Variants in DYRK3 observed in about 807,000 individuals in gnomAD.
The protein encoded by DYRK3 is dual specificity tyrosine-phosphorylation-regulated kinase 3.
DYRK3 carries 30 observed loss-of-function variants against 40.8 expected under a neutral mutation model. That is an observed-to-expected ratio of 0.74 (90% CI 0.55 to 1.00). DYRK3 has a LOEUF of 1.00. Ranked by LOEUF, DYRK3 falls within the 50% of genes least tolerant of loss-of-function variation. The probability of loss-of-function intolerance (pLI) is 0.00; values close to 1 mark genes in which losing one functional copy is unlikely to be tolerated. For missense variants in DYRK3, 699 were observed against 731.5 expected, an observed-to-expected ratio of 0.96 and a Z score of 0.51; for synonymous variants, 272 against 260.7, an observed-to-expected ratio of 1.04 and a Z score of -0.42.
chr1:206,644,030 G>GATTTTTTTTT (rs1558557214), intron 2 of DYRK3, among the ~76,000 whole-genome samples: 1 of 88,072 alleles, frequency 1.1e-5, no homozygotes, highest in Non-Finnish European at 2.6e-5. Flanking sequence ...GGGACCTACA[G>GATTTTTTTTT]CTTTTTTTTT....
intron 1 of DYRK3, 127 bp from the exon 2 acceptor site, chr1:206,637,523 A>G: frequency 1.6e-6 from 1 of 633,068 alleles, no homozygotes; most frequent in Non-Finnish European, 2.7e-6. Context: ...GTTTGTATTC[A>G]GTGCCAAAAT....
chr1:206,651,543 C>A lies in DYRK3; in HGVS notation c.*2578C>A, dbSNP rs963391167. On this transcript the variant is annotated 3_prime_UTR_variant, in exon 3 of 3. Transcript: ENST00000367109. ...TAGGGTGTAAAAGCTCATATCTACT[C>A]AAAAAACTCAAATCTACTCTTTCAG... 6.6e-6 allele frequency among the ~76,000 whole-genome samples: 1 copy of A among 152,160 alleles called. No individual in the cohort carries two copies. The highest frequency in any genetic ancestry group is 1.5e-5 in the Non-Finnish European group (1 of 68,034).
At position 206,650,471 on chromosome 1, in the gene DYRK3, G is replaced by A. The variant is rs1471365816; in HGVS notation, c.*1506G>A. ...AATCCCAGCTACTTGGGAGGCTGAG[G>A]TGGGAGGATCACTTGAGCTGAGATC... On this transcript the variant is annotated 3_prime_UTR_variant, in exon 3 of 3. Coordinates refer to ENST00000367109, the MANE Select transcript of DYRK3 (RefSeq NM_003582.4). Among the ~76,000 whole-genome samples, 1 of 152,254 alleles carries A rather than the reference G, an allele frequency of 6.6e-6. No homozygotes were observed. Among genetic ancestry groups the A allele is most frequent in the African/African-American group, 2.4e-5 (1 of 41,472 alleles).
At chr1:206,645,963 C>T (rs1381082247) in intron 2 of DYRK3, among the ~76,000 whole-genome samples, 1 of 152,168 alleles carries the variant, frequency 6.6e-6, no homozygotes, top group Non-Finnish European at 1.5e-5. Flanking sequence ...AATTCTCCTG[C>T]CTCAGCCTCC....
chr1:206,638,127 G>A (rs943160163), intron 2 of DYRK3, among the ~76,000 whole-genome samples: 1 of 152,092 alleles, frequency 6.6e-6, no homozygotes, highest in East Asian at 1.9e-4. Flanking sequence ...TCATAGATCT[G>A]CAGGAGTTTT....
chr1:206,635,606 G>C lies in DYRK3; in HGVS notation c.-98G>C. The C allele has an allele frequency of 8.2e-7, 1 of 1,225,514 alleles. No individual in the cohort carries two copies. Among genetic ancestry groups the C allele is most frequent in the Non-Finnish European group, 1.0e-6 (1 of 979,214 alleles). 75.9% of individuals were successfully genotyped at this position (1,225,514 alleles called of 1,614,324 possible). On this transcript the variant is annotated 5_prime_UTR_variant, in exon 1 of 3. Transcript: ENST00000367109. The stretch of plus-strand genomic sequence containing the variant: ...AGTGTCTGGTCGAGAGTACCCGTGG[G>C]AGCGTCGCGCCGCGGAGGCAGCCGT...
rs781835705 is a variant in DYRK3, at chr1:206,648,483, C to T, written c.1285C>T (p.Pro429Ser). ...CATGATGGAGCTTCTAGGGATGCCA[C>T]CACCAAAACTTCTGGAGCAATCCAA... ...ACMMELLGMP[P>S]PKLLEQSKRA... The change falls in exon 3 of 3, where the codon CCA becomes TCA. Residue 429 changes from proline to serine, a missense_variant. Pro to Ser is a moderately conservative substitution (Grantham distance 74, BLOSUM62 -1). Coordinates refer to ENST00000367109, the MANE Select transcript of DYRK3 (RefSeq NM_003582.4). 4 of 1,614,142 alleles carry T rather than the reference C, an allele frequency of 2.5e-6. No homozygotes were observed. Among genetic ancestry groups the T allele is most frequent in the Non-Finnish European group, 3.4e-6 (4 of 1,180,020 alleles).
In DYRK3 at chr1:206,650,868, A is replaced by G. The variant is rs1671614258; in HGVS notation, c.*1903A>G. On this transcript the variant is annotated 3_prime_UTR_variant, in exon 3 of 3. Coordinates refer to ENST00000367109, the MANE Select transcript of DYRK3 (RefSeq NM_003582.4). ...CAAGTACAAGGGCCAGATGGCAGAGAACAGCTTAAACTGAGCCTTCAGCCT... is the reference window on the plus strand; with the variant it reads ...CAAGTACAAGGGCCAGATGGCAGAGGACAGCTTAAACTGAGCCTTCAGCCT... 6.6e-6 allele frequency among the ~76,000 whole-genome samples: 1 copy of G among 152,198 alleles called. No individual in the cohort carries two copies. Among genetic ancestry groups the G allele is most frequent in the Admixed American group, 6.5e-5 (1 of 15,280 alleles).
At chr1:206,637,823 A>G in intron 2 of DYRK3, 62 bp downstream of exon 2, 1 of 1,328,278 alleles carries the variant, frequency 7.5e-7, no homozygotes, top group Admixed American at 1.7e-5. Flanking sequence ...GTGCTACTTA[A>G]TGCTCAAGGT....
At chr1:206,635,952 T>C in intron 1 of DYRK3, 172 bp downstream of exon 1, 1 of 1,319,098 alleles carries the variant, frequency 7.6e-7, no homozygotes, top group Non-Finnish European at 9.7e-7. Context: ...CAGGGCCCCC[T>C]CCCCCCATCC....
At chr1:206,639,162 A>AGCC in intron 2 of DYRK3, among the ~76,000 whole-genome samples, 1 of 152,298 alleles carries the variant, frequency 6.6e-6, no homozygotes, top group Middle Eastern at 3.4e-3. Flanking sequence ...TACAGGCGTG[A>AGCC]GCCACCGCAC....
chr1:206,648,927 A>G lies in DYRK3; in HGVS notation c.1729A>G (p.Ile577Val). Residue 577 changes from isoleucine (I) to valine (V), a missense_variant, in exon 3 of 3, where the codon ATA (isoleucine) becomes GTA (valine). Coordinates refer to ENST00000367109, the MANE Select transcript of DYRK3 (RefSeq NM_003582.4). ...ANLMSETNGS[I>V]PLCSVLPKLI... ...CTTAATGTCAGAAACCAATGGTAGT[A>G]TACCCCTATGCAGTGTATTGCCAAA... 3 of 1,614,086 alleles carry G rather than the reference A, an allele frequency of 1.9e-6. No individual in the cohort carries two copies. The highest frequency in any genetic ancestry group is 1.7e-6 in the Non-Finnish European group (2 of 1,180,022).
chr1:206,636,156 G>C, intron 1 of DYRK3: 1 of 1,018,076 alleles, frequency 9.8e-7, no homozygotes, highest in Non-Finnish European at 1.4e-6. Flanking sequence ...CTGTTGCTTA[G>C]AGCGGATAAC....
In DYRK3 at chr1:206,648,552, T is replaced by A. The variant is rs554078449; in HGVS notation, c.1354T>A (p.Cys452Ser). The A allele has an allele frequency of 6.2e-7, 1 of 1,614,166 alleles. No homozygotes were observed. Among genetic ancestry groups the A allele is most frequent in the East Asian group, 2.2e-5 (1 of 44,882 alleles). The change falls in exon 3 of 3, where the codon TGC becomes AGC. Residue 452 changes from cysteine to serine, a missense_variant. By Grantham distance (112) the Cys-to-Ser change is moderately radical. Coordinates refer to ENST00000367109, the MANE Select transcript of DYRK3 (RefSeq NM_003582.4). ...TAATTCCAAGGGCATACCCCGCTACTGCTCTGTGACTACCCAGGCAGATGG... is the reference window on the plus strand; with the variant it reads ...TAATTCCAAGGGCATACCCCGCTACAGCTCTGTGACTACCCAGGCAGATGG... ...FINSKGIPRY[C>S]SVTTQADGRV...
Position 206,648,791 on chromosome 1 carries a change from C to T in DYRK3, c.1593C>T (p.Thr531=). 6.2e-7 allele frequency: 1 copy of T among 1,614,188 alleles called. No homozygotes were observed. The highest frequency in any genetic ancestry group is 1.1e-5 in the South Asian group (1 of 91,080). Residue 531 remains threonine (T), a synonymous_variant, in exon 3 of 3, where the codon ACC becomes ACT. Coordinates refer to ENST00000367109, the MANE Select transcript of DYRK3 (RefSeq NM_003582.4). ...GCAAGTCTGTCCCCAGACCTCTCAC[C>T]ACCATAGACAAGGTGTCAGGGAAAC... The part of the protein sequence containing the change: ...WISKSVPRPL[T]TIDKVSGKRV...
chr1:206,641,480 C>G (rs71633594), intron 2 of DYRK3, among the ~76,000 whole-genome samples: 6 of 149,816 alleles, frequency 4.0e-5, no homozygotes, highest in Admixed American at 1.3e-4. Flanking sequence ...TTTATCTACT[C>G]CTTGATTGAT....
In DYRK3 at chr1:206,653,516, C is replaced by T. The variant is rs1196481577; in HGVS notation, c.*4551C>T. On this transcript the variant is annotated 3_prime_UTR_variant, in exon 3 of 3. Transcript: ENST00000367109. The stretch of plus-strand genomic sequence containing the variant: ...TGTTCTGAATTAACAGATTTTGATG[C>T]CCGCTGATCATGTGCAGATGATGGA... Among the ~76,000 whole-genome samples, 7 of 152,116 alleles carry T rather than the reference C, an allele frequency of 4.6e-5. No homozygotes were observed. The highest frequency in any genetic ancestry group is 1.7e-4 in the African/African-American group (7 of 41,426).
In DYRK3 at chr1:206,648,835, G is replaced by A; in HGVS notation, c.1637G>A (p.Ser546Asn). Residue 546 changes from serine to asparagine, a missense_variant, in exon 3 of 3, where the codon AGT becomes AAT. Ser to Asn is a conservative substitution (Grantham distance 46, BLOSUM62 1). Transcript: ENST00000367109. ...VSGKRVVNPASAFQGLGSKLP... is the reference protein window; with the variant it reads ...VSGKRVVNPANAFQGLGSKLP... ...GGGAAACGGGTAGTTAATCCTGCAAGTGCTTTCCAGGGATTGGGTTCTAAG... is the reference window on the plus strand; with the variant it reads ...GGGAAACGGGTAGTTAATCCTGCAAATGCTTTCCAGGGATTGGGTTCTAAG... 3 of 1,614,208 alleles carry A rather than the reference G, an allele frequency of 1.9e-6. No homozygotes were observed. Among genetic ancestry groups the A allele is most frequent in the Non-Finnish European group, 2.5e-6 (3 of 1,180,032 alleles).
At chr1:206,643,848 T>C (rs565996826) in intron 2 of DYRK3, among the ~76,000 whole-genome samples, 4 of 152,208 alleles carry the variant, frequency 2.6e-5, no homozygotes, top group Non-Finnish European at 5.9e-5. Context: ...GTATAGGAAC[T>C]TAAACTTTAA....
Sources: allele counts gnomAD v4.1 joint callset (sites outside exome capture counted in the v4.1 genomes callset), GRCh38; gene constraint gnomAD v4.1.1; transcripts MANE v1.5; gene names NCBI Gene and HGNC (gene_info 2026-07-23, HGNC 2026-07-21).